The following ARK2C variants were observed in gnomAD, a reference collection of about 807,000 sequenced individuals.
ARK2C encodes the protein E3 ubiquitin-protein ligase ARK2C.
the ARK2C span, among the ~76,000 whole-genome samples, chr18:46,375,293 C>T: frequency 1.3e-5 from 2 of 151,482 alleles, no homozygotes; most frequent in African/African-American, 2.5e-5. Context: ...TGGCTCACAC[C>T]TGTCATCCCA....
At chr18:46,364,708 T>C in the ARK2C span, among the ~76,000 whole-genome samples, 1 of 152,190 alleles carries the variant, frequency 6.6e-6, no homozygotes, top group Admixed American at 6.5e-5. Flanking sequence ...ATTCCTGTCC[T>C]GAGGCTCTCT....
chr18:46,346,383 C>T, the ARK2C span, among the ~76,000 whole-genome samples: 3 of 152,204 alleles, frequency 2.0e-5, no homozygotes, highest in Non-Finnish European at 2.9e-5. Flanking sequence ...AACATCACTA[C>T]TTTCTATTTC....
the ARK2C span, among the ~76,000 whole-genome samples, chr18:46,397,333 C>A: frequency 1.3e-5 from 2 of 152,074 alleles, no homozygotes; most frequent in African/African-American, 4.8e-5. Flanking sequence ...GGTGACAGAG[C>A]AGAGATTATA....
chr18:46,341,904 C>T, the ARK2C span, among the ~76,000 whole-genome samples: 1 of 152,138 alleles, frequency 6.6e-6, no homozygotes, highest in Non-Finnish European at 1.5e-5. Flanking sequence ...AGGAGCTTTG[C>T]CTCCACTACT....
the ARK2C span, among the ~76,000 whole-genome samples, chr18:46,407,124 C>T: frequency 1.3e-5 from 2 of 152,162 alleles, no homozygotes; most frequent in South Asian, 2.1e-4. Context: ...GTTGGGTTAC[C>T]TTTGATTTGC....
the ARK2C span, among the ~76,000 whole-genome samples, chr18:46,436,343 G>C: frequency 1.3e-5 from 2 of 152,122 alleles, no homozygotes. Context: ...GAGAGAGAAG[G>C]AAATAGAAAT....
the ARK2C span, among the ~76,000 whole-genome samples, chr18:46,376,391 C>G: frequency 6.6e-6 from 1 of 152,240 alleles, no homozygotes; most frequent in African/African-American, 2.4e-5. Flanking sequence ...GTAGAGGCCA[C>G]AGCGTGGCCC....
chr18:46,433,006 C>T, the ARK2C span, among the ~76,000 whole-genome samples: 25 of 152,148 alleles, frequency 1.6e-4, no homozygotes, highest in Non-Finnish European at 2.8e-4. Flanking sequence ...ATCAGGTACA[C>T]GCACACAGCC....
At chr18:46,454,744 C>A in the ARK2C span, among the ~76,000 whole-genome samples, 1 of 152,180 alleles carries the variant, frequency 6.6e-6, no homozygotes, top group African/African-American at 2.4e-5. Context: ...TTGAAGTCAG[C>A]CTGTCTCTGG....
chr18:46,457,320 G>C, the ARK2C span: 1 of 152,416 alleles, frequency 6.6e-6, no homozygotes, highest in Admixed American at 6.5e-5. Context: ...CGGGAGGGGG[G>C]GGTTCTCGTT....
the ARK2C span, among the ~76,000 whole-genome samples, chr18:46,384,303 G>A: frequency 1.2e-4 from 18 of 152,208 alleles, no homozygotes; most frequent in Admixed American, 2.6e-4. Flanking sequence ...GGTGCTCCCC[G>A]TAGTGTCCAG....
chr18:46,437,203 C>T, the ARK2C span, among the ~76,000 whole-genome samples: 1 of 142,618 alleles, frequency 7.0e-6, no homozygotes, highest in African/African-American at 2.5e-5. Context: ...CCCTTGGGCT[C>T]TTTCTGCTTG....
the ARK2C span, among the ~76,000 whole-genome samples, chr18:46,402,007 T>C: frequency 6.6e-6 from 1 of 152,248 alleles, no homozygotes; most frequent in African/African-American, 2.4e-5. Flanking sequence ...TCACAAGTGG[T>C]TGGACTGAAC....
chr18:46,416,957 G>A, the ARK2C span, among the ~76,000 whole-genome samples: 22 of 152,198 alleles, frequency 1.4e-4, 1 homozygote, highest in Admixed American at 9.2e-4. Flanking sequence ...CCTTTAATGG[G>A]AGGAGCTTGT....
chr18:46,448,035 C>G, the ARK2C span, among the ~76,000 whole-genome samples: 398 of 151,442 alleles, frequency 2.6e-3, no homozygotes, highest in Non-Finnish European at 4.4e-3. Context: ...TATGACCTAG[C>G]TCCCCTGTGT....
the ARK2C span, chr18:46,461,735 G>T: frequency 1.5e-4 from 23 of 152,058 alleles, 1 homozygote; most frequent in African/African-American, 5.3e-4. Flanking sequence ...AATAGAGAGA[G>T]TGAGCTGAGA....
chr18:46,428,720 T>C, the ARK2C span, among the ~76,000 whole-genome samples: 54 of 152,336 alleles, frequency 3.5e-4, 1 homozygote, highest in South Asian at 0.011. Context: ...AGCTCAATAA[T>C]TTTTTACATA....
chr18:46,420,508 T>C, the ARK2C span, among the ~76,000 whole-genome samples: 1 of 152,184 alleles, frequency 6.6e-6, no homozygotes, highest in African/African-American at 2.4e-5. Flanking sequence ...CACCAGACAA[T>C]GCTAACGTGG....
At chr18:46,393,527 C>A in the ARK2C span, among the ~76,000 whole-genome samples, 1 of 152,174 alleles carries the variant, frequency 6.6e-6, no homozygotes, top group Non-Finnish European at 1.5e-5. Flanking sequence ...TCTGGACGCC[C>A]CCCGCCACCA....
Sources: allele counts gnomAD v4.1 joint callset (sites outside exome capture counted in the v4.1 genomes callset), GRCh38; gene constraint gnomAD v4.1.1; transcripts MANE v1.5; gene names NCBI Gene and HGNC (gene_info 2026-07-23, HGNC 2026-07-21).